Variants in ZDHHC21 observed in about 807,000 individuals in gnomAD.
ZDHHC21 encodes zDHHC palmitoyltransferase 21.
Under a neutral mutation model 34.6 loss-of-function variants are expected in ZDHHC21, and 15 were observed. The ratio of observed to expected loss-of-function variants is 0.43; its 90% confidence interval spans 0.29 to 0.67. The LOEUF (loss-of-function observed/expected upper bound fraction) is 0.67, where lower values mean the gene tolerates loss of function less well. Among genes scored for constraint, ZDHHC21 ranks in the 30% least tolerant of loss-of-function variants. The probability of loss-of-function intolerance (pLI) is 0.14; values close to 1 mark genes in which losing one functional copy is unlikely to be tolerated. For synonymous variants in ZDHHC21, 142 were observed against 101.8 expected, an observed-to-expected ratio of 1.40 and a Z score of -2.38; for missense variants, 344 against 327.7, an observed-to-expected ratio of 1.05 and a Z score of -0.38.
chr9:14,645,642 T>C (rs944231788), intron 7 of ZDHHC21, among the ~76,000 whole-genome samples: 4 of 151,912 alleles, frequency 2.6e-5, no homozygotes, highest in South Asian at 4.1e-4. Context: ...AAAAATGCCA[T>C]TAAGAGAGTG....
intron 6 of ZDHHC21, among the ~76,000 whole-genome samples, chr9:14,661,929 A>T (rs1207199087): frequency 6.6e-6 from 1 of 152,222 alleles, no homozygotes; most frequent in East Asian, 1.9e-4. Flanking sequence ...AATGTTTTAT[A>T]TACATTGCCT....
intron 7 of ZDHHC21, among the ~76,000 whole-genome samples, chr9:14,652,673 C>T (rs1831431884): frequency 6.6e-6 from 1 of 151,784 alleles, no homozygotes; most frequent in South Asian, 2.1e-4. Flanking sequence ...TGTTCATTTC[C>T]CAGAATTTGT....
At chr9:14,680,610 A>G (rs1564391241) in intron 2 of ZDHHC21, among the ~76,000 whole-genome samples, 1 of 151,790 alleles carries the variant, frequency 6.6e-6, no homozygotes, top group Non-Finnish European at 1.5e-5. Context: ...AGAGTCAAAC[A>G]TAAGTCAGTT....
chr9:14,674,038 G>T (rs920284557), intron 4 of ZDHHC21, 149 bp downstream of exon 4: 1 of 450,990 alleles, frequency 2.2e-6, no homozygotes, highest in Non-Finnish European at 3.7e-6. Context: ...ATTTCCATAA[G>T]TTCATAAATT....
intron 8 of ZDHHC21, among the ~76,000 whole-genome samples, chr9:14,628,077 T>A (rs1826627182): frequency 1.3e-5 from 2 of 152,166 alleles, no homozygotes; most frequent in Non-Finnish European, 2.9e-5. Context: ...CAAAAACGTA[T>A]ATTTAAATCC....
chr9:14,691,764 A>G (rs1839192972), intron 1 of ZDHHC21, among the ~76,000 whole-genome samples: 1 of 152,216 alleles, frequency 6.6e-6, no homozygotes, highest in Non-Finnish European at 1.5e-5. Context: ...GAATTCTGGA[A>G]GAGTACTACA....
Position 14,693,216 on chromosome 9 carries a change from C to T in ZDHHC21, c.-225+13G>A, listed in dbSNP as rs1302671453. On this transcript the variant is annotated intron_variant, in intron 1 of 9. Transcript: ENST00000380916. ...TGGGGGCGGCCGCTTCGCCCCCGCGCCTGCACACTCACCGTCGCCGCTGGC... is the reference window on the plus strand; with the variant it reads ...TGGGGGCGGCCGCTTCGCCCCCGCGTCTGCACACTCACCGTCGCCGCTGGC... 8 of 390,770 alleles carry T rather than the reference C, an allele frequency of 2.0e-5. No homozygotes were observed. The highest frequency in any genetic ancestry group is 4.0e-5 in the Non-Finnish European group (8 of 199,926). 24.2% of individuals were successfully genotyped at this position (390,770 alleles called of 1,614,324 possible). A position where few individuals can be genotyped will look rare whatever the true frequency, so the allele number is the denominator to read the frequency against.
At chr9:14,648,216 T>C (rs1173807149) in intron 7 of ZDHHC21, among the ~76,000 whole-genome samples, 1 of 152,146 alleles carries the variant, frequency 6.6e-6, no homozygotes, top group Non-Finnish European at 1.5e-5. Flanking sequence ...TAAACGCTTC[T>C]ACCACTACTA....
At chr9:14,619,736 T>A in intron 8 of ZDHHC21, 54 bp from the exon 9 acceptor site, 1 of 1,056,770 alleles carries the variant, frequency 9.5e-7, no homozygotes, top group Non-Finnish European at 1.3e-6. Flanking sequence ...AAGTCTTTAT[T>A]CTGTATCCAC....
intron 5 of ZDHHC21, among the ~76,000 whole-genome samples, chr9:14,664,204 A>G (rs1833944774): frequency 6.6e-6 from 1 of 151,036 alleles, no homozygotes; most frequent in African/African-American, 2.4e-5. Context: ...CGGGAAGCGC[A>G]AGGGGTCAGG....
chr9:14,637,643 C>T (rs545113489), intron 8 of ZDHHC21, among the ~76,000 whole-genome samples: 1 of 151,948 alleles, frequency 6.6e-6, no homozygotes, highest in African/African-American at 2.4e-5. Context: ...AAAGGCTCTA[C>T]CAAAAAACTC....
chr9:14,593,028 T>G, the ZDHHC21 span, among the ~76,000 whole-genome samples: 2 of 152,106 alleles, frequency 1.3e-5, no homozygotes, highest in Non-Finnish European at 2.9e-5. Flanking sequence ...GGAGGGCAAT[T>G]TATAGCTTTA....
chr9:14,607,706 T>C (rs774807792), downstream of ZDHHC21, among the ~76,000 whole-genome samples: 55 of 152,148 alleles, frequency 3.6e-4, no homozygotes, highest in Non-Finnish European at 1.9e-4. Context: ...ATTTTTCATG[T>C]TTACATAAAG....
chr9:14,678,275 A>G (rs1053350295), intron 3 of ZDHHC21, among the ~76,000 whole-genome samples: 2 of 152,108 alleles, frequency 1.3e-5, no homozygotes, highest in Admixed American at 1.3e-4. Flanking sequence ...ATGAAGACCA[A>G]TCAACCATGT....
intron 5 of ZDHHC21, among the ~76,000 whole-genome samples, chr9:14,671,232 C>G (rs1033322567): frequency 2.0e-5 from 3 of 152,086 alleles, no homozygotes; most frequent in East Asian, 1.9e-4. Context: ...TAATGCAATG[C>G]TTGGTTTGTT....
chr9:14,653,756 T>A (rs893600160), intron 7 of ZDHHC21, among the ~76,000 whole-genome samples: 1 of 152,042 alleles, frequency 6.6e-6, no homozygotes, highest in Non-Finnish European at 1.5e-5. Context: ...CCTGGAGTTA[T>A]GCAATTAGGC....
intron 2 of ZDHHC21, among the ~76,000 whole-genome samples, chr9:14,682,116 G>A (rs918624315): frequency 3.6e-4 from 55 of 152,116 alleles, no homozygotes; most frequent in African/African-American, 1.3e-3. Flanking sequence ...CAGATGCTAG[G>A]AAGAAACTGC....
chr9:14,611,157 TA>T lies in ZDHHC21; in HGVS notation c.*7808del, dbSNP rs1210059162. ...TTTGAGAAGTAAAAATTCCACAATT[TA>T]AATTAAAAACAATCTGCAAAGAAAA... On this transcript the variant is annotated 3_prime_UTR_variant, in exon 10 of 10. Transcript: ENST00000380916. The T allele has an allele frequency of 1.3e-5, 2 of 151,900 alleles. No individual in the cohort carries two copies. Among genetic ancestry groups the T allele is most frequent in the Admixed American group, 6.6e-5 (1 of 15,226 alleles). 9.4% of individuals were successfully genotyped at this position (151,900 alleles called of 1,614,324 possible).
rs61752940 is a variant in ZDHHC21, at chr9:14,619,087, C to T, written c.677G>A (p.Arg226Gln). 433 of 1,609,216 alleles carry T rather than the reference C, an allele frequency of 2.7e-4. 1 individual carries two copies. In the East Asian group the frequency reaches 6.4e-3, roughly 24 times the overall value. The change falls in exon 10 of 10, where the codon CGA (arginine) becomes CAA (glutamine). Residue 226 changes from arginine to glutamine, a missense_variant. By Grantham distance (43) the Arg-to-Gln change is conservative (BLOSUM62 1). Coordinates refer to ENST00000380916, the MANE Select transcript of ZDHHC21 (RefSeq NM_178566.6). ...TGAGAAGGTCTGCTGCCATGGCTTTCGGGGCCTCGATCTACAGAAGACAGC... is the reference window on the plus strand; with the variant it reads ...TGAGAAGGTCTGCTGCCATGGCTTTTGGGGCCTCGATCTACAGAAGACAGC... ...SNCCEDISRPRKPWQQTFSEV... is the reference protein window; with the variant it reads ...SNCCEDISRPQKPWQQTFSEV...
Sources: gnomAD v4.1 joint callset for allele counts (sites outside exome capture counted in the v4.1 genomes callset) on GRCh38, gnomAD v4.1.1 for gene constraint, MANE v1.5 for transcripts, NCBI Gene and HGNC (gene_info 2026-07-23, HGNC 2026-07-21) for gene names.